The following SMYD3 variants were observed in gnomAD, a reference collection of about 807,000 sequenced individuals.
The protein encoded by SMYD3 is SET and MYND domain containing 3, also known as histone-lysine N-methyltransferase SMYD3.
Under a neutral mutation model 57.7 loss-of-function variants are expected in SMYD3, and 36 were observed. That is an observed-to-expected ratio of 0.62 (90% confidence interval 0.48 to 0.82). The LOEUF is 0.82. Ranked by LOEUF, SMYD3 falls within the 40% of genes least tolerant of loss-of-function variation. The pLI is 0.00. For synonymous variants in SMYD3, 211 were observed against 195.0 expected, an observed-to-expected ratio of 1.08 and a Z score of -0.68; for missense variants, 515 against 538.8, an observed-to-expected ratio of 0.96 and a Z score of 0.44.
intron 10 of SMYD3, among the ~76,000 whole-genome samples, chr1:245,793,092 GA>G (rs2047354930): frequency 1.7e-5 from 1 of 57,204 alleles, no homozygotes; most frequent in Non-Finnish European, 4.1e-5. Context: ...GGGTGATCAC[GA>G]AATCAGGAGA....
At chr1:245,935,271 A>C (rs1368292321) in intron 5 of SMYD3, among the ~76,000 whole-genome samples, 2 of 152,244 alleles carry the variant, frequency 1.3e-5, no homozygotes, top group Non-Finnish European at 2.9e-5. Context: ...TCTCAAAAGA[A>C]GACATATAAA....
intron 5 of SMYD3, among the ~76,000 whole-genome samples, chr1:246,260,998 CCA>C (rs1387960468): frequency 6.6e-6 from 1 of 152,088 alleles, no homozygotes; most frequent in East Asian, 1.9e-4. Context: ...AAGGCTTTTC[CCA>C]CAGAGTCTCG....
At chr1:246,002,317 T>C (rs2059073293) in intron 5 of SMYD3, among the ~76,000 whole-genome samples, 1 of 78,620 alleles carries the variant, frequency 1.3e-5, no homozygotes. Flanking sequence ...CCCGAGTAGC[T>C]GGGACTGCAG....
At chr1:246,474,310 G>A (rs1203177799) in intron 1 of SMYD3, among the ~76,000 whole-genome samples, 2 of 152,070 alleles carry the variant, frequency 1.3e-5, no homozygotes, top group South Asian at 2.1e-4. Context: ...ATGAGATCAG[G>A]AGATCGAGAC....
intron 5 of SMYD3, among the ~76,000 whole-genome samples, chr1:246,200,532 C>T (rs938388077): frequency 3.2e-4 from 49 of 150,948 alleles, no homozygotes; most frequent in Non-Finnish European, 4.4e-4. Context: ...AAAGAATGTA[C>T]ACAGACACCC....
intron 5 of SMYD3, among the ~76,000 whole-genome samples, chr1:245,958,585 C>T (rs2057915598): frequency 1.3e-5 from 2 of 152,198 alleles, no homozygotes; most frequent in African/African-American, 2.4e-5. Context: ...TTTAGGTTCT[C>T]CTCCTCCGTA....
At chr1:245,816,586 C>T (rs2048816342) in intron 10 of SMYD3, among the ~76,000 whole-genome samples, 1 of 151,708 alleles carries the variant, frequency 6.6e-6, no homozygotes, top group Non-Finnish European at 1.5e-5. Flanking sequence ...CTACAGCTCC[C>T]AGCGTGAGTG....
At chr1:246,126,214 A>C (rs2061507341) in intron 5 of SMYD3, among the ~76,000 whole-genome samples, 1 of 152,180 alleles carries the variant, frequency 6.6e-6, no homozygotes, top group Admixed American at 6.5e-5. Context: ...AGTGGTTCTC[A>C]CTGGGGGTAC....
At chr1:246,229,518 A>G (rs1196276846) in intron 5 of SMYD3, among the ~76,000 whole-genome samples, 1 of 152,252 alleles carries the variant, frequency 6.6e-6, no homozygotes, top group Non-Finnish European at 1.5e-5. Context: ...GAGATGATGC[A>G]AAGTTAAATT....
chr1:246,451,156 T>C (rs1319962490), intron 1 of SMYD3, among the ~76,000 whole-genome samples: 1 of 152,254 alleles, frequency 6.6e-6, no homozygotes, highest in African/African-American at 2.4e-5. Context: ...TTTAGGAGAA[T>C]GGCAAAGCAC....
In SMYD3 at chr1:246,059,454, G is replaced by A. The variant is rs530213457; in HGVS notation, c.532-129517C>T. Among the ~76,000 whole-genome samples, 64 of 152,266 alleles carry A rather than the reference G, an allele frequency of 4.2e-4. No individual in the cohort carries two copies. In the South Asian group the frequency reaches 0.013, roughly 30 times the overall value. ...CTGAACAGAGATATGACCAACTGGAGGTGTTTTGTCTCTCTCGACTCCACT... is the reference window on the plus strand; with the variant it reads ...CTGAACAGAGATATGACCAACTGGAAGTGTTTTGTCTCTCTCGACTCCACT... On this transcript the variant is annotated intron_variant, in intron 5 of 11. Transcript: ENST00000490107.
chr1:246,271,276 T>C (rs986827868), intron 5 of SMYD3, among the ~76,000 whole-genome samples: 1 of 152,210 alleles, frequency 6.6e-6, no homozygotes, highest in Non-Finnish European at 1.5e-5. Context: ...TACTGTCTTT[T>C]GATGCACCAA....
intron 1 of SMYD3, among the ~76,000 whole-genome samples, chr1:246,438,193 T>C (rs2067409031): frequency 6.6e-6 from 1 of 152,236 alleles, no homozygotes; most frequent in Non-Finnish European, 1.5e-5. Flanking sequence ...AGCATACTGA[T>C]TCTGGCAAAC....
intron 5 of SMYD3, among the ~76,000 whole-genome samples, chr1:246,243,194 T>G (rs2063644744): frequency 6.6e-6 from 1 of 152,088 alleles, no homozygotes; most frequent in African/African-American, 2.4e-5. Flanking sequence ...TTATTTATCT[T>G]TCAGAACTTT....
intron 8 of SMYD3, among the ~76,000 whole-genome samples, chr1:245,876,438 G>A (rs567597745): frequency 4.6e-5 from 7 of 152,320 alleles, no homozygotes; most frequent in South Asian, 4.1e-4. Context: ...GGCCTTTGCC[G>A]CCTCAGCCAT....
Position 245,856,972 on chromosome 1 carries a change from C to T in SMYD3, c.1076+1524G>A, listed in dbSNP as rs527810126. On this transcript the variant is annotated intron_variant, in intron 10 of 11. Transcript: ENST00000490107. The stretch of plus-strand genomic sequence containing the variant: ...ATCTGACCTGCCTCTTTTTGCAACA[C>T]TAAGGCTCAGAGAGGAAGCCTTATC... Among the ~76,000 whole-genome samples the T allele has an allele frequency of 1.6e-4, 24 of 152,312 alleles. No individual in the cohort carries two copies. The East Asian group carries it at 4.2e-3, about 27-fold the overall frequency.
chr1:246,096,549 A>C (rs1198481535), intron 5 of SMYD3: 2 of 152,232 alleles, frequency 1.3e-5, no homozygotes, highest in Non-Finnish European at 2.9e-5. Context: ...TTTGCACTAC[A>C]TCAGACACCT....
Position 245,826,535 on chromosome 1 carries a change from G to A in SMYD3, c.1076+31961C>T, listed in dbSNP as rs115818919. Among the ~76,000 whole-genome samples, 473 of 152,222 alleles carry A rather than the reference G, an allele frequency of 3.1e-3. 1 individual carries two copies. The highest frequency in any genetic ancestry group is 0.011 in the African/African-American group (458 of 41,532). On this transcript the variant is annotated intron_variant, in intron 10 of 11. Transcript: ENST00000490107. The stretch of plus-strand genomic sequence containing the variant: ...CAGCCAAAATTTCCTTGTTTATTAA[G>A]GCTGGAAACACTACATTTTATTTCC...
intron 5 of SMYD3, among the ~76,000 whole-genome samples, chr1:246,180,930 C>T (rs1007338929): frequency 4.6e-5 from 7 of 151,986 alleles, no homozygotes; most frequent in Non-Finnish European, 8.8e-5. Flanking sequence ...AGAGATGTGA[C>T]GTGCTTTAAA....
Sources: allele counts gnomAD v4.1 joint callset (sites outside exome capture counted in the v4.1 genomes callset), GRCh38; gene constraint gnomAD v4.1.1; transcripts MANE v1.5; gene names NCBI Gene and HGNC (gene_info 2026-07-23, HGNC 2026-07-21).